Variants in PSD3 observed in about 807,000 individuals in gnomAD.
PSD3 encodes PH and SEC7 domain-containing protein 3.
Under a neutral mutation model 105.5 loss-of-function variants are expected in PSD3, and 49 were observed. That is an observed-to-expected ratio of 0.46 (90% confidence interval 0.37 to 0.59). The LOEUF (loss-of-function observed/expected upper bound fraction) is 0.59. Ranked by LOEUF, PSD3 falls within the 20% of genes least tolerant of loss-of-function variation. PSD3 has a pLI of 0.00. For synonymous variants in PSD3, 557 were observed against 457.8 expected (o/e 1.22, Z -2.77); for missense variants, 1,561 against 1,263.8 (o/e 1.24, Z -3.57).
chr8:18,871,131 A>C (rs950411974), intron 3 of PSD3, among the ~76,000 whole-genome samples: 3 of 152,158 alleles, frequency 2.0e-5, no homozygotes, highest in Non-Finnish European at 2.9e-5. Context: ...AACATAGGAA[A>C]TTGAGTGGGC....
At chr8:18,929,152 G>A (rs17127451) in intron 2 of PSD3, among the ~76,000 whole-genome samples, 21,444 of 151,974 alleles carry the variant, frequency 0.14, 1,601 homozygotes, top group Middle Eastern at 0.16. Flanking sequence ...AGCCTTCTGG[G>A]TCACTATGGC....
chr8:18,725,228 T>C (rs1803266740), intron 9 of PSD3, among the ~76,000 whole-genome samples: 1 of 152,140 alleles, frequency 6.6e-6, no homozygotes, highest in Non-Finnish European at 1.5e-5. Context: ...CCAAGAACTC[T>C]TTTATTTTTT....
intron 6 of PSD3, chr8:18,804,258 G>C (rs1177886628): frequency 3.0e-6 from 1 of 330,976 alleles, no homozygotes; most frequent in East Asian, 5.2e-5. Context: ...CTGAAATAAG[G>C]TTCAAAGGAA....
At chr8:18,894,757 GATA>G (rs1202896976) in intron 2 of PSD3, among the ~76,000 whole-genome samples, 1 of 152,130 alleles carries the variant, frequency 6.6e-6, no homozygotes, top group Non-Finnish European at 1.5e-5. Flanking sequence ...CCCACCCTAT[GATA>G]ATAACGTAAT....
At chr8:18,595,159 A>G (rs1350405991) in intron 12 of PSD3, among the ~76,000 whole-genome samples, 1 of 151,972 alleles carries the variant, frequency 6.6e-6, no homozygotes, top group Non-Finnish European at 1.5e-5. Flanking sequence ...TGAAATCATT[A>G]TCAGCTTAAA....
At chr8:18,750,872 A>G (rs1805425731) in intron 9 of PSD3, among the ~76,000 whole-genome samples, 1 of 152,032 alleles carries the variant, frequency 6.6e-6, no homozygotes, top group Admixed American at 6.5e-5. Flanking sequence ...TGGTGTATTT[A>G]CAAACCTTGA....
At chr8:18,824,889 A>G (rs1210544773) in intron 4 of PSD3, among the ~76,000 whole-genome samples, 1 of 152,210 alleles carries the variant, frequency 6.6e-6, no homozygotes, top group Non-Finnish European at 1.5e-5. Context: ...GTATTTGAAC[A>G]AACAAGAGGA....
At chr8:18,992,535 G>A (rs557320947) in intron 1 of PSD3, among the ~76,000 whole-genome samples, 2 of 152,230 alleles carry the variant, frequency 1.3e-5, no homozygotes, top group East Asian at 3.9e-4. Context: ...AACAATAAAA[G>A]AAGTTGACGA....
chr8:18,579,580 T>C (rs773697714), intron 12 of PSD3, among the ~76,000 whole-genome samples: 11 of 152,224 alleles, frequency 7.2e-5, no homozygotes, highest in Non-Finnish European at 1.3e-4. Context: ...ATGCTATTTA[T>C]TTTAAATCCA....
At chr8:18,582,946 C>T (rs1350689555) in intron 12 of PSD3, among the ~76,000 whole-genome samples, 1 of 151,540 alleles carries the variant, frequency 6.6e-6, no homozygotes, top group Admixed American at 6.6e-5. Context: ...CTGCCTCAGA[C>T]TCCTGAGTAG....
At chr8:18,837,653 C>G (rs114294172) in intron 4 of PSD3, among the ~76,000 whole-genome samples, 466 of 152,256 alleles carry the variant, frequency 3.1e-3, no homozygotes, top group African/African-American at 0.011. Context: ...TCTAAAAGTA[C>G]TCTAGGCCAG....
chr8:18,671,600 T>C (rs1799784647), intron 9 of PSD3, among the ~76,000 whole-genome samples: 1 of 152,150 alleles, frequency 6.6e-6, no homozygotes, highest in Admixed American at 6.5e-5. Context: ...GAAGCCATTG[T>C]GTTCACAGTC....
chr8:18,653,628 C>T (rs1278259131), intron 10 of PSD3, among the ~76,000 whole-genome samples: 1 of 152,174 alleles, frequency 6.6e-6, no homozygotes, highest in African/African-American at 2.4e-5. Context: ...GAACAAGATG[C>T]TCTGCTAACT....
chr8:18,992,913 G>A (rs1825883195), intron 1 of PSD3, among the ~76,000 whole-genome samples: 1 of 151,938 alleles, frequency 6.6e-6, no homozygotes, highest in South Asian at 2.1e-4. Context: ...CAACTTAATT[G>A]ACAAAACAAC....
At chr8:18,658,369 C>T (rs1809054716) in intron 9 of PSD3, among the ~76,000 whole-genome samples, 1 of 152,138 alleles carries the variant, frequency 6.6e-6, no homozygotes, top group Non-Finnish European at 1.5e-5. Context: ...GAAATGAATT[C>T]CCTTGATTCT....
intron 9 of PSD3, among the ~76,000 whole-genome samples, chr8:18,657,244 A>G (rs1808969500): frequency 1.3e-5 from 2 of 151,900 alleles, no homozygotes; most frequent in African/African-American, 4.8e-5. Flanking sequence ...CATGTGTGTA[A>G]GCAAACAATG....
intron 9 of PSD3, among the ~76,000 whole-genome samples, chr8:18,658,742 T>C (rs750635037): frequency 6.6e-6 from 1 of 152,092 alleles, no homozygotes; most frequent in Non-Finnish European, 1.5e-5. Context: ...TTCTTTTACT[T>C]TCAAATGTCA....
At chr8:18,624,980 C>T (rs1047186834) in intron 11 of PSD3, among the ~76,000 whole-genome samples, 1 of 152,168 alleles carries the variant, frequency 6.6e-6, no homozygotes, top group African/African-American at 2.4e-5. Context: ...AAGTGATCCT[C>T]CTGTCTTGGA....
At position 18,688,461 on chromosome 8, in the gene PSD3, G is replaced by A. The variant is rs146436661; in HGVS notation, c.2173-32776C>T. ...CTGTTACATTATCACATACAAAGCC[G>A]CCTTACTCTTGTTAATAGCAGCATA... On this transcript the variant is annotated intron_variant, in intron 9 of 15. Transcript: ENST00000327040. 3.5e-3 allele frequency among the ~76,000 whole-genome samples: 534 copies of A among 152,204 alleles called. 2 individuals carry two copies. Among genetic ancestry groups the A allele is most frequent in the Middle Eastern group, 6.8e-3 (2 of 294 alleles).
Sources: allele counts gnomAD v4.1 joint callset (sites outside exome capture counted in the v4.1 genomes callset), GRCh38; gene constraint gnomAD v4.1.1; transcripts MANE v1.5; gene names NCBI Gene and HGNC (gene_info 2026-07-23, HGNC 2026-07-21).